Variants in LINGO2 observed in about 807,000 individuals in gnomAD.
LINGO2 encodes leucine-rich repeat and immunoglobulin-like domain-containing nogo receptor-interacting protein 2.
In LINGO2, 14 loss-of-function variants were observed where a neutral mutation model predicts 30.6. The observed-to-expected ratio is 0.46, with a 90% CI of 0.30 to 0.72. The LOEUF (loss-of-function observed/expected upper bound fraction) is 0.72. LINGO2 is among the 30% of genes least tolerant of loss of function. The probability of loss-of-function intolerance (pLI) is 0.07; values close to 1 mark genes in which losing one functional copy is unlikely to be tolerated. For synonymous variants in LINGO2, 317 were observed against 288.5 expected, an observed-to-expected ratio of 1.10 and a Z score of -1.00; for missense variants, 729 against 751.7, an observed-to-expected ratio of 0.97 and a Z score of 0.35.
chr9:28,920,346 T>C, the LINGO2 span, among the ~76,000 whole-genome samples: 1 of 152,066 alleles, frequency 6.6e-6, no homozygotes, highest in East Asian at 1.9e-4. Context: ...AGCTTTGCTA[T>C]TAATATAACT....
the LINGO2 span, among the ~76,000 whole-genome samples, chr9:29,029,088 CTTGT>C: frequency 6.6e-6 from 1 of 152,070 alleles, no homozygotes; most frequent in Non-Finnish European, 1.5e-5. Flanking sequence ...CAATACTTGT[CTTGT>C]TTAAGTAAAC....
chr9:29,125,332 C>G, the LINGO2 span, among the ~76,000 whole-genome samples: 4 of 151,930 alleles, frequency 2.6e-5, no homozygotes, highest in African/African-American at 9.7e-5. Context: ...ACCTAGATGA[C>G]GTGTTGATAG....
the LINGO2 span, among the ~76,000 whole-genome samples, chr9:29,069,697 C>T: frequency 6.6e-6 from 1 of 151,992 alleles, no homozygotes; most frequent in South Asian, 2.1e-4. Context: ...TTGGAAAATA[C>T]TTCTCAGGAC....
chr9:28,618,838 T>C (rs1055243242), intron 1 of LINGO2, among the ~76,000 whole-genome samples: 5 of 152,000 alleles, frequency 3.3e-5, no homozygotes, highest in Admixed American at 6.6e-5. Flanking sequence ...GCACATAAAA[T>C]GTGTTCCTTA....
the LINGO2 span, among the ~76,000 whole-genome samples, chr9:29,142,293 A>G: frequency 6.6e-6 from 1 of 151,882 alleles, no homozygotes; most frequent in Non-Finnish European, 1.5e-5. Context: ...TAGACAATAT[A>G]CTTCTGAACA....
chr9:28,283,222 A>G (rs1387995871), intron 4 of LINGO2, among the ~76,000 whole-genome samples: 1 of 152,192 alleles, frequency 6.6e-6, no homozygotes, highest in Non-Finnish European at 1.5e-5. Flanking sequence ...TCAATAAGTA[A>G]TGGGTATATA....
At chr9:28,779,667 C>T in the LINGO2 span, among the ~76,000 whole-genome samples, 4 of 152,258 alleles carry the variant, frequency 2.6e-5, no homozygotes, top group South Asian at 8.3e-4. Flanking sequence ...TCTTACAACA[C>T]ATTTCAGAAC....
intron 1 of LINGO2, among the ~76,000 whole-genome samples, chr9:28,631,295 G>A (rs776638802): frequency 6.6e-6 from 1 of 151,008 alleles, no homozygotes; most frequent in Non-Finnish European, 1.5e-5. Context: ...ATCCCCCAAT[G>A]CCATACCTCC....
chr9:28,256,137 C>T (rs1310499098), intron 4 of LINGO2, among the ~76,000 whole-genome samples: 1 of 152,008 alleles, frequency 6.6e-6, no homozygotes, highest in Non-Finnish European at 1.5e-5. Flanking sequence ...GACCACACTC[C>T]AGCAGCTGAA....
exon 6 of LINGO2, chr9:27,950,484 T>C (rs748097516): frequency 1.2e-6 from 2 of 1,601,224 alleles, no homozygotes; most frequent in Admixed American, 1.7e-5. Context: ...TTTACTGAGG[T>C]CCAAGATTTT....
At chr9:28,848,395 G>GTATATATATATATATATATATATATAC in the LINGO2 span, among the ~76,000 whole-genome samples, 1 of 38,768 alleles carries the variant, frequency 2.6e-5, no homozygotes, top group African/African-American at 6.3e-5. Flanking sequence ...GTGTGTGTGT[G>GTATATATATATATATATATATATATAC]TGTATATATA....
the LINGO2 span, among the ~76,000 whole-genome samples, chr9:28,830,315 A>G: frequency 6.6e-6 from 1 of 152,086 alleles, no homozygotes; most frequent in Non-Finnish European, 1.5e-5. Flanking sequence ...GCCCTGGATG[A>G]GTGGGGTGGG....
chr9:28,225,668 C>T (rs968827512), intron 4 of LINGO2, among the ~76,000 whole-genome samples: 2 of 151,860 alleles, frequency 1.3e-5, no homozygotes, highest in African/African-American at 2.4e-5. Context: ...TATAAATCAA[C>T]AATTTTAAAA....
chr9:28,846,898 T>A, the LINGO2 span, among the ~76,000 whole-genome samples: 5 of 145,058 alleles, frequency 3.4e-5, no homozygotes, highest in African/African-American at 5.3e-5. Context: ...GTTCTGCTCC[T>A]CCTACAGTCC....
the LINGO2 span, among the ~76,000 whole-genome samples, chr9:29,056,968 C>G: frequency 2.0e-5 from 3 of 151,984 alleles, no homozygotes; most frequent in Non-Finnish European, 4.4e-5. Context: ...TATACCAGTA[C>G]CATGCTGTTT....
At chr9:28,557,112 A>T (rs1277085666) in intron 1 of LINGO2, among the ~76,000 whole-genome samples, 1 of 152,110 alleles carries the variant, frequency 6.6e-6, no homozygotes, top group African/African-American at 2.4e-5. Flanking sequence ...CTAAAACACC[A>T]AAAGCAATGG....
rs1825338447 is a variant in LINGO2, at chr9:28,329,340, C to T, written c.-245-33974G>A. Among the ~76,000 whole-genome samples the T allele has an allele frequency of 6.6e-6, 1 of 152,142 alleles. No homozygotes were observed. ...TTTCCCTGTATCTGACAAATACTCC[C>T]TTCAAAGCAGTACCTTCTGCCTGTT... On this transcript the variant is annotated intron_variant, in intron 3 of 5. Coordinates refer to ENST00000379992, the Ensembl canonical transcript of LINGO2. The surrounding 1 kb of genome is among the most constrained non-coding windows in gnomAD (Gnocchi z 4.5).
At chr9:28,726,193 A>G in the LINGO2 span, among the ~76,000 whole-genome samples, 6 of 152,084 alleles carry the variant, frequency 3.9e-5, no homozygotes, top group Non-Finnish European at 7.4e-5. Context: ...GCTTTTTAAG[A>G]GCTCTATGTG....
chr9:29,182,114 C>G, the LINGO2 span, among the ~76,000 whole-genome samples: 1 of 152,176 alleles, frequency 6.6e-6, no homozygotes, highest in East Asian at 1.9e-4. Context: ...AGGTGAGTAT[C>G]ATAATTTGCC....
Sources: allele counts gnomAD v4.1 joint callset (sites outside exome capture counted in the v4.1 genomes callset), GRCh38; gene constraint gnomAD v4.1.1; non-coding constraint Gnocchi (gnomAD v3.1); transcripts MANE v1.5; gene names NCBI Gene and HGNC (gene_info 2026-07-23, HGNC 2026-07-21).